The following RSU1 variants were observed in gnomAD, a reference collection of about 807,000 sequenced individuals.
RSU1 encodes rsu-1.
In RSU1, 26 loss-of-function variants were observed where a neutral mutation model predicts 31.1. The observed-to-expected ratio is 0.84, with a 90% confidence interval of 0.61 to 1.16. RSU1 has a LOEUF of 1.16. Ranked by LOEUF, RSU1 falls within the 50% of genes most tolerant of loss-of-function variation. The pLI is 0.00. For synonymous variants in RSU1, 164 were observed against 136.3 expected, an observed-to-expected ratio of 1.20 and a Z score of -1.41; for missense variants, 320 against 339.1, an observed-to-expected ratio of 0.94 and a Z score of 0.44.
At chr10:16,785,602 G>A (rs749353539) in intron 2 of RSU1, among the ~76,000 whole-genome samples, 11 of 151,186 alleles carry the variant, frequency 7.3e-5, no homozygotes, top group African/African-American at 1.9e-4. Flanking sequence ...CTTTGCCCCC[G>A]TGATCCAGTC....
At chr10:16,770,957 TA>T (rs10547207) in intron 3 of RSU1, among the ~76,000 whole-genome samples, 2,110 of 120,056 alleles carry the variant, frequency 0.018, 27 homozygotes, top group African/African-American at 0.038. Context: ...TATTGCTATT[TA>T]AAAAAAAAAA....
intron 7 of RSU1, among the ~76,000 whole-genome samples, chr10:16,710,023 C>G (rs1325092717): frequency 1.3e-5 from 2 of 152,112 alleles, no homozygotes; most frequent in Non-Finnish European, 2.9e-5. Context: ...TTTCTCTTCC[C>G]TAATGGCTTA....
chr10:16,738,608 A>T (rs762465104), intron 7 of RSU1, among the ~76,000 whole-genome samples: 95 of 152,230 alleles, frequency 6.2e-4, no homozygotes, highest in Non-Finnish European at 9.8e-4. Context: ...AGCTATTTGG[A>T]CCAATCAATC....
intron 6 of RSU1, 38 bp from the exon 7 acceptor site, chr10:16,752,691 A>T (rs1022232950): frequency 1.4e-5 from 21 of 1,459,828 alleles, no homozygotes; most frequent in Non-Finnish European, 1.9e-5. Flanking sequence ...ATATTTACAC[A>T]TTAAAAGGTG....
intron 7 of RSU1, among the ~76,000 whole-genome samples, chr10:16,723,862 C>T (rs1014032912): frequency 1.3e-5 from 2 of 152,198 alleles, no homozygotes; most frequent in African/African-American, 4.8e-5. Context: ...GGTAAATATT[C>T]ACCATGTTAG....
intron 8 of RSU1, among the ~76,000 whole-genome samples, chr10:16,669,129 T>C (rs1030593784): frequency 5.3e-5 from 8 of 152,166 alleles, no homozygotes; most frequent in Admixed American, 2.0e-4. Context: ...AGAATTCTGC[T>C]ATCAGATCTT....
At chr10:16,783,364 C>CTTTTTTCTTTTT (rs1837698508) in intron 2 of RSU1, among the ~76,000 whole-genome samples, 1 of 132,072 alleles carries the variant, frequency 7.6e-6, no homozygotes, top group Non-Finnish European at 1.6e-5. Context: ...ACAACTTTTG[C>CTTTTTTCTTTTT]TTTTTTTTTT....
intron 8 of RSU1, among the ~76,000 whole-genome samples, chr10:16,593,763 C>T (rs1195424291): frequency 6.6e-6 from 1 of 152,202 alleles, no homozygotes; most frequent in African/African-American, 2.4e-5. Context: ...CCTGCTCAGC[C>T]GTTCTGGACT....
At chr10:16,713,041 T>A (rs1836055482) in intron 7 of RSU1, among the ~76,000 whole-genome samples, 1 of 152,212 alleles carries the variant, frequency 6.6e-6, no homozygotes. Flanking sequence ...ATCATCCCAT[T>A]CTCTTCTAAC....
At chr10:16,713,407 C>T (rs1012857398) in intron 7 of RSU1, among the ~76,000 whole-genome samples, 19 of 151,414 alleles carry the variant, frequency 1.3e-4, no homozygotes, top group African/African-American at 4.1e-4. Flanking sequence ...ATTTTTTTTT[C>T]CCTCTGACTG....
chr10:16,753,610 G>C (rs1158883054), intron 5 of RSU1, among the ~76,000 whole-genome samples: 1 of 152,184 alleles, frequency 6.6e-6, no homozygotes, highest in Non-Finnish European at 1.5e-5. Context: ...GAAGTTAACA[G>C]AGTAAATCCT....
chr10:16,676,806 T>C (rs1170399371), intron 8 of RSU1, among the ~76,000 whole-genome samples: 3 of 152,156 alleles, frequency 2.0e-5, no homozygotes, highest in Non-Finnish European at 2.9e-5. Flanking sequence ...GCTGCAGTTA[T>C]ACAGGTTGAG....
chr10:16,646,059 TATAC>T (rs747076708), intron 8 of RSU1, among the ~76,000 whole-genome samples: 1,362 of 31,440 alleles, frequency 0.043, 308 homozygotes, highest in Non-Finnish European at 0.059. Flanking sequence ...TGTATATATA[TATAC>T]ACACACACAC....
chr10:16,695,189 T>A lies in RSU1; in HGVS notation c.599-34A>T, dbSNP rs746039717. 4 of 1,589,238 alleles carry A rather than the reference T, an allele frequency of 2.5e-6. No individual in the cohort carries two copies. In the South Asian group the frequency reaches 4.5e-5, roughly 18 times the overall value. On this transcript the variant is annotated intron_variant, in intron 7 of 8. Coordinates refer to ENST00000345264, the MANE Select transcript of RSU1 (RefSeq NM_012425.4). ...GGGGAAAAAAAAAGTGAAGGTCACT[T>A]CATCCAATACAGATCAGGTCTAAGA...
At chr10:16,685,932 T>G (rs898395779) in intron 8 of RSU1, among the ~76,000 whole-genome samples, 4 of 152,188 alleles carry the variant, frequency 2.6e-5, no homozygotes, top group African/African-American at 9.7e-5. Context: ...GCAAACACAG[T>G]AGAACAAAAT....
chr10:16,680,513 G>A (rs1202301895), intron 8 of RSU1, among the ~76,000 whole-genome samples: 3 of 152,170 alleles, frequency 2.0e-5, no homozygotes. Context: ...CATAGTGCTG[G>A]CATCTGCTTG....
chr10:16,797,510 C>T (rs1838061474), intron 2 of RSU1, among the ~76,000 whole-genome samples: 1 of 152,058 alleles, frequency 6.6e-6, no homozygotes, highest in Admixed American at 6.5e-5. Context: ...ATATTGGGAG[C>T]AAATCCCATA....
chr10:16,626,592 A>T (rs1176098324), intron 8 of RSU1, among the ~76,000 whole-genome samples: 1 of 152,166 alleles, frequency 6.6e-6, no homozygotes, highest in Non-Finnish European at 1.5e-5. Context: ...AAATGCAGAG[A>T]TTCTGGGGTC....
chr10:16,675,879 G>C lies in RSU1; in HGVS notation c.731+19144C>G, dbSNP rs184472230. 5.3e-5 allele frequency among the ~76,000 whole-genome samples: 8 copies of C among 152,264 alleles called. No homozygotes were observed. The South Asian group carries it at 8.3e-4, about 16-fold the overall frequency. ...GGATGCTAATATGATTTTCCACTTA[G>C]TGGATAAGAGCTCCCTGGAGAAGGG... On this transcript the variant is annotated intron_variant, in intron 8 of 8. Coordinates refer to ENST00000345264, the MANE Select transcript of RSU1 (RefSeq NM_012425.4).
Sources: allele counts gnomAD v4.1 joint callset (sites outside exome capture counted in the v4.1 genomes callset), GRCh38; gene constraint gnomAD v4.1.1; transcripts MANE v1.5; gene names NCBI Gene and HGNC (gene_info 2026-07-23, HGNC 2026-07-21).